The following SERPINI1 variants were observed in gnomAD, a reference collection of about 807,000 sequenced individuals.
The protein encoded by SERPINI1 is neuroserpin.
Under a neutral mutation model 41.1 loss-of-function variants are expected in SERPINI1, and 19 were observed. The ratio of observed to expected loss-of-function variants is 0.46; its 90% CI spans 0.32 to 0.68. The LOEUF (loss-of-function observed/expected upper bound fraction) is 0.68. SERPINI1 is among the 30% of genes least tolerant of loss of function. SERPINI1 has a pLI of 0.03. For synonymous variants in SERPINI1, 138 were observed against 156.6 expected (o/e 0.88, Z 0.89); for missense variants, 460 against 479.2 (o/e 0.96, Z 0.37).
rs376205249 is a variant in SERPINI1 at position 167,807,235 on chromosome 3, G to A, written c.882-9G>A. The A allele has an allele frequency of 1.3e-6, 2 of 1,583,684 alleles. No individual in the cohort carries two copies. Among genetic ancestry groups the A allele is most frequent in the Non-Finnish European group, 1.7e-6 (2 of 1,152,902 alleles). On this transcript the variant is annotated splice_polypyrimidine_tract_variant and intron_variant, in intron 5 of 8. Coordinates refer to ENST00000446050, the MANE Select transcript of SERPINI1 (RefSeq NM_001122752.2). ...TAACTAAATATTTTTCTCCCTATGT[G>A]TTCTCCAGGTTCACAGTGGAACAGG...
intron 1 of SERPINI1, among the ~76,000 whole-genome samples, chr3:167,741,101 G>C (rs2108528754): frequency 6.6e-6 from 1 of 152,296 alleles, no homozygotes; most frequent in East Asian, 1.9e-4. Flanking sequence ...ACAGTGCTCA[G>C]TGTTGGTCTT....
chr3:167,804,706 T>C (rs752050246), intron 5 of SERPINI1, among the ~76,000 whole-genome samples: 2 of 152,146 alleles, frequency 1.3e-5, no homozygotes, highest in Non-Finnish European at 2.9e-5. Context: ...AGCCAGGTGC[T>C]GTGATGTGCA....
chr3:167,789,521 A>G, intron 2 of SERPINI1, 143 bp downstream of exon 2: 1 of 926,768 alleles, frequency 1.1e-6, no homozygotes, highest in Non-Finnish European at 1.6e-6. Context: ...AGGATTAGGA[A>G]ACCCAAGAAA....
chr3:167,772,062 G>C (rs1353142646), intron 1 of SERPINI1, among the ~76,000 whole-genome samples: 1 of 152,190 alleles, frequency 6.6e-6, no homozygotes, highest in East Asian at 1.9e-4. Context: ...ACATGTTATA[G>C]TATCTTCAAC....
chr3:167,742,935 A>T (rs1725728006), intron 1 of SERPINI1, among the ~76,000 whole-genome samples: 1 of 151,892 alleles, frequency 6.6e-6, no homozygotes, highest in Admixed American at 6.6e-5. Flanking sequence ...CCCTGAGCAA[A>T]GGCATTCCTC....
At chr3:167,741,698 A>G (rs902554092) in intron 1 of SERPINI1, among the ~76,000 whole-genome samples, 4 of 152,256 alleles carry the variant, frequency 2.6e-5, no homozygotes, top group Admixed American at 6.5e-5. Context: ...ATTTAGAATC[A>G]TTGAAGCAAT....
intron 1 of SERPINI1, among the ~76,000 whole-genome samples, chr3:167,781,309 A>C (rs1326313003): frequency 1.3e-5 from 2 of 152,146 alleles, no homozygotes; most frequent in African/African-American, 4.8e-5. Context: ...GTCTGTGGCA[A>C]AATGAAAAAA....
In SERPINI1 at chr3:167,807,279, T is replaced by C. The variant is rs779353952; in HGVS notation, c.917T>C (p.Val306Ala). Reference sequence around the variant, plus strand: ...GAACAGGAAATTGATTTAAAAGATGTTTTGAAGGCTCTTGGAATAACTGAA... The same window carrying C: ...GAACAGGAAATTGATTTAAAAGATGCTTTGAAGGCTCTTGGAATAACTGAA... ...TVEQEIDLKDVLKALGITEIF... is the reference protein window; with the variant it reads ...TVEQEIDLKDALKALGITEIF... Residue 306 changes from valine to alanine, a missense_variant, in exon 6 of 9, where the codon GTT (valine) becomes GCT (alanine). Transcript: ENST00000446050. The C allele has an allele frequency of 1.1e-4, 177 of 1,612,862 alleles. No individual in the cohort carries two copies. The highest frequency in any genetic ancestry group is 1.4e-4 in the Non-Finnish European group (169 of 1,179,316).
chr3:167,809,319 C>T (rs774949072), intron 6 of SERPINI1, among the ~76,000 whole-genome samples: 1 of 152,142 alleles, frequency 6.6e-6, no homozygotes, highest in Non-Finnish European at 1.5e-5. Context: ...TGGATAATTA[C>T]ATTGTACTTT....
At chr3:167,814,943 C>CA (rs1163303597) in intron 6 of SERPINI1, among the ~76,000 whole-genome samples, 2 of 152,124 alleles carry the variant, frequency 1.3e-5, no homozygotes, top group Non-Finnish European at 2.9e-5. Flanking sequence ...GATTTAAAAA[C>CA]AAAAAACTAT....
intron 6 of SERPINI1, among the ~76,000 whole-genome samples, chr3:167,814,299 A>T (rs2108570889): frequency 6.6e-6 from 1 of 152,320 alleles, no homozygotes; most frequent in South Asian, 2.1e-4. Flanking sequence ...ACATGAATGA[A>T]TGAATGAATG....
At chr3:167,743,250 A>C (rs1166460680) in intron 1 of SERPINI1, among the ~76,000 whole-genome samples, 1 of 152,154 alleles carries the variant, frequency 6.6e-6, no homozygotes, top group Non-Finnish European at 1.5e-5. Flanking sequence ...ATTACCCTAG[A>C]AAATGGTGTT....
chr3:167,811,501 A>G (rs1711882356), intron 6 of SERPINI1, among the ~76,000 whole-genome samples: 1 of 152,088 alleles, frequency 6.6e-6, no homozygotes, highest in Non-Finnish European at 1.5e-5. Context: ...GACATAGAAC[A>G]ATATATGTAT....
chr3:167,825,426 T>C lies in SERPINI1; in HGVS notation c.*103T>C. The C allele has an allele frequency of 1.3e-6, 1 of 759,488 alleles. No individual in the cohort carries two copies. Among genetic ancestry groups the C allele is most frequent in the Non-Finnish European group, 2.3e-6 (1 of 426,416 alleles). 47.0% of individuals were successfully genotyped at this position (759,488 alleles called of 1,614,324 possible). ...TTTTACAGTATATCTTAAGATAATATTTAAAATAGTTCCAGATAAAAACAA... is the reference window on the plus strand; with the variant it reads ...TTTTACAGTATATCTTAAGATAATACTTAAAATAGTTCCAGATAAAAACAA... On this transcript the variant is annotated 3_prime_UTR_variant, in exon 9 of 9. Coordinates refer to ENST00000446050, the MANE Select transcript of SERPINI1 (RefSeq NM_001122752.2).
In SERPINI1 at chr3:167,807,266, G is replaced by A. The variant is rs2108567247; in HGVS notation, c.904G>A (p.Asp302Asn). 1 of 1,612,512 alleles carries A rather than the reference G, an allele frequency of 6.2e-7. No individual in the cohort carries two copies. The highest frequency in any genetic ancestry group is 8.5e-7 in the Non-Finnish European group (1 of 1,178,934). ...CAGGTTCACAGTGGAACAGGAAATT[G>A]ATTTAAAAGATGTTTTGAAGGCTCT... is the stretch of plus-strand genomic sequence containing the variant. ...LPRFTVEQEIDLKDVLKALGI... is the reference protein window; with the variant it reads ...LPRFTVEQEINLKDVLKALGI... Residue 302 changes from aspartate to asparagine, a missense_variant, in exon 6 of 9, where the codon GAT (aspartate) becomes AAT (asparagine). Coordinates refer to ENST00000446050, the MANE Select transcript of SERPINI1 (RefSeq NM_001122752.2).
intron 1 of SERPINI1, among the ~76,000 whole-genome samples, chr3:167,765,915 C>A (rs900251455): frequency 6.6e-6 from 1 of 152,200 alleles, no homozygotes; most frequent in Non-Finnish European, 1.5e-5. Context: ...GTCACCTTTG[C>A]TGCAGTTCCC....
intron 1 of SERPINI1, among the ~76,000 whole-genome samples, chr3:167,773,389 G>A (rs1340351747): frequency 1.3e-5 from 2 of 151,836 alleles, no homozygotes; most frequent in African/African-American, 2.4e-5. Context: ...ACTATTTTAA[G>A]TGCCTTGTGA....
intron 5 of SERPINI1, among the ~76,000 whole-genome samples, chr3:167,803,651 A>G (rs1265306411): frequency 6.6e-6 from 1 of 152,200 alleles, no homozygotes; most frequent in African/African-American, 2.4e-5. Context: ...GTCACTCATC[A>G]TCACCTGACT....
intron 1 of SERPINI1, among the ~76,000 whole-genome samples, chr3:167,774,655 A>G (rs1057132676): frequency 1.3e-5 from 2 of 152,142 alleles, no homozygotes; most frequent in African/African-American, 2.4e-5. Context: ...TTAGATTCTC[A>G]TAGGAGCCTA....
Sources: gnomAD v4.1 joint callset for allele counts (sites outside exome capture counted in the v4.1 genomes callset) on GRCh38, gnomAD v4.1.1 for gene constraint, MANE v1.5 for transcripts, NCBI Gene and HGNC (gene_info 2026-07-23, HGNC 2026-07-21) for gene names.